ZMPSTE24: variants seen among roughly 807,000 people sequenced by gnomAD.
ZMPSTE24 encodes the protein zinc metallopeptidase STE24.
Under a neutral mutation model 56.7 loss-of-function variants are expected in ZMPSTE24, and 48 were observed. That is an observed-to-expected ratio of 0.85 (90% CI 0.67 to 1.08). The LOEUF (loss-of-function observed/expected upper bound fraction) is 1.08, where lower values mean the gene tolerates loss of function less well. Ranked by LOEUF, ZMPSTE24 falls within the 50% of genes least tolerant of loss-of-function variation. The pLI is 0.00. For synonymous variants in ZMPSTE24, 172 were observed against 195.2 expected (o/e 0.88, Z 0.99); for missense variants, 503 against 548.7 (o/e 0.92, Z 0.83).
intron 2 of ZMPSTE24, among the ~76,000 whole-genome samples, chr1:40,263,340 A>G (rs1557773207): frequency 6.6e-6 from 1 of 152,230 alleles, no homozygotes; most frequent in Non-Finnish European, 1.5e-5. Flanking sequence ...TTTGATGTTT[A>G]CAACAGTGAA....
At position 40,293,365 on chromosome 1, in the gene ZMPSTE24, A is replaced by G. The variant is rs1057515522; in HGVS notation, c.*696A>G. ...TTTGTTTGTTTCTTTTGTTTTTTGGAAAATCCGTGTCTTTATCTTTTTTTC... is the reference window on the plus strand; with the variant it reads ...TTTGTTTGTTTCTTTTGTTTTTTGGGAAATCCGTGTCTTTATCTTTTTTTC... On this transcript the variant is annotated 3_prime_UTR_variant, in exon 10 of 10. Transcript: ENST00000372759. 1 of 151,994 alleles carries G rather than the reference A, an allele frequency of 6.6e-6. No homozygotes were observed. Among genetic ancestry groups the G allele is most frequent in the Non-Finnish European group, 1.5e-5 (1 of 68,018 alleles). The allele number at this position is 151,994 out of a possible 1,614,324, so 9.4% of individuals were successfully genotyped here. A position where few individuals can be genotyped will look rare whatever the true frequency, so the allele number is the denominator to read the frequency against.
At chr1:40,288,984 C>T (rs1187587402) in intron 8 of ZMPSTE24, among the ~76,000 whole-genome samples, 3 of 152,066 alleles carry the variant, frequency 2.0e-5, no homozygotes, top group African/African-American at 7.2e-5. Flanking sequence ...AAGACCATCC[C>T]TGAGTGGCTC....
chr1:40,269,647 G>A (rs1643593221), intron 4 of ZMPSTE24, among the ~76,000 whole-genome samples: 1 of 151,954 alleles, frequency 6.6e-6, no homozygotes, highest in South Asian at 2.1e-4. Context: ...ATTATTTTTA[G>A]TAGTGACAGG....
At chr1:40,288,252 T>A (rs997073233) in intron 8 of ZMPSTE24, among the ~76,000 whole-genome samples, 1 of 152,222 alleles carries the variant, frequency 6.6e-6, no homozygotes, top group African/African-American at 2.4e-5. Context: ...CTGTGGGCAC[T>A]TTCCTATATC....
rs754413319 is a variant in ZMPSTE24 at position 40,267,889 on chromosome 1, C to T, written c.357+17C>T. ...GAATATGAGGTATGTGATTCATTAG[C>T]ATGTATTTGTCATGGTATTTCTTTT... On this transcript the variant is annotated intron_variant, in intron 3 of 9. Coordinates refer to ENST00000372759, the MANE Select transcript of ZMPSTE24 (RefSeq NM_005857.5). The T allele has an allele frequency of 6.3e-7, 1 of 1,599,668 alleles. No homozygotes were observed. The highest frequency in any genetic ancestry group is 1.1e-5 in the South Asian group (1 of 90,784).
At chr1:40,270,340 A>G (rs2124582336) in intron 5 of ZMPSTE24, among the ~76,000 whole-genome samples, 2 of 152,320 alleles carry the variant, frequency 1.3e-5, no homozygotes, top group South Asian at 4.1e-4. Flanking sequence ...TTCAGGTCAT[A>G]GAAACTAGTT....
chr1:40,292,722 C>T lies in ZMPSTE24; in HGVS notation c.*53C>T. On this transcript the variant is annotated 3_prime_UTR_variant, in exon 10 of 10. Transcript: ENST00000372759. ...TTTCTGATTATTTCTGTCCTGGCAG[C>T]ATGTTCCAGCTCTTGATGTTTTTAA... 1 of 1,546,498 alleles carries T rather than the reference C, an allele frequency of 6.5e-7. No homozygotes were observed. Among genetic ancestry groups the T allele is most frequent in the Non-Finnish European group, 8.9e-7 (1 of 1,120,496 alleles).
chr1:40,273,537 A>AAAAAATAT (rs1224234676), intron 6 of ZMPSTE24, among the ~76,000 whole-genome samples: 13 of 12,388 alleles, frequency 1.0e-3, no homozygotes, highest in Admixed American at 2.6e-3. Flanking sequence ...AAAAAAAAAA[A>AAAAAATAT]ATATATATAT....
In ZMPSTE24 at chr1:40,281,491, A is replaced by C. The variant is rs761390798; in HGVS notation, c.918A>C (p.Glu306Asp). The C allele has an allele frequency of 6.2e-7, 1 of 1,614,136 alleles. No homozygotes were observed. The highest frequency in any genetic ancestry group is 8.5e-7 in the Non-Finnish European group (1 of 1,179,992). ...EDSGMEPRNE[E>D]EGNSEEIKAK... ...CTGGCATGGAACCCCGCAATGAGGA[A>C]GAAGGGAACAGTGAAGAAATAAAAG... The change falls in exon 7 of 10, where the codon GAA (glutamate) becomes GAC (aspartate). Residue 306 changes from glutamate (E) to aspartate (D), a missense_variant. Transcript: ENST00000372759.
intron 8 of ZMPSTE24, among the ~76,000 whole-genome samples, chr1:40,288,373 A>C (rs1643807503): frequency 6.6e-6 from 1 of 152,204 alleles, no homozygotes; most frequent in Admixed American, 6.5e-5. Flanking sequence ...TCAGTCTAAT[A>C]AGGAAAATCA....
chr1:40,262,004 C>A (rs1337661598), intron 2 of ZMPSTE24, among the ~76,000 whole-genome samples: 1 of 152,168 alleles, frequency 6.6e-6, no homozygotes, highest in East Asian at 1.9e-4. Flanking sequence ...CCACTGTGCC[C>A]TGCCACTTTT....
At chr1:40,269,479 C>T (rs770687352) in intron 4 of ZMPSTE24, among the ~76,000 whole-genome samples, 8 of 152,022 alleles carry the variant, frequency 5.3e-5, no homozygotes, top group Non-Finnish European at 8.8e-5. Context: ...TGTTTGTTTG[C>T]GACAGGGTCT....
intron 8 of ZMPSTE24, among the ~76,000 whole-genome samples, chr1:40,289,966 C>G (rs1643824115): frequency 6.6e-6 from 1 of 152,154 alleles, no homozygotes; most frequent in African/African-American, 2.4e-5. Context: ...AGAAAATATC[C>G]CATTGCTATT....
chr1:40,274,427 A>C (rs1486547326), intron 6 of ZMPSTE24, among the ~76,000 whole-genome samples: 1 of 152,234 alleles, frequency 6.6e-6, no homozygotes, highest in African/African-American at 2.4e-5. Context: ...CTATGCAGCA[A>C]ATTAAACTAG....
At chr1:40,273,538 ATAT>A (rs1227445855) in intron 6 of ZMPSTE24, among the ~76,000 whole-genome samples, 242 of 17,284 alleles carry the variant, frequency 0.014, 7 homozygotes, top group African/African-American at 0.036. Context: ...AAAAAAAAAA[ATAT>A]ATATATATAT....
At chr1:40,276,733 C>G (rs551012848) in intron 6 of ZMPSTE24, among the ~76,000 whole-genome samples, 1 of 152,200 alleles carries the variant, frequency 6.6e-6, no homozygotes, top group African/African-American at 2.4e-5. Flanking sequence ...CACCATTATA[C>G]TCATACAAAC....
In ZMPSTE24 at chr1:40,285,913, T is replaced by A; in HGVS notation, c.955-12T>A. The A allele has an allele frequency of 6.2e-6, 10 of 1,605,486 alleles. No homozygotes were observed. Among genetic ancestry groups the A allele is most frequent in the Non-Finnish European group, 6.0e-6 (7 of 1,174,038 alleles). ...GTTCTCAATAATTTATTTTTGATTT[T>A]TTTTTATTCAGAATAAGAAACAAGG... On this transcript the variant is annotated splice_polypyrimidine_tract_variant and intron_variant, in intron 7 of 9. Transcript: ENST00000372759.
chr1:40,291,993 A>G (rs1401638896), intron 9 of ZMPSTE24, among the ~76,000 whole-genome samples: 1 of 151,986 alleles, frequency 6.6e-6, no homozygotes, highest in Admixed American at 6.6e-5. Flanking sequence ...GGCACCCATC[A>G]CCACGCCCAG....
At chr1:40,258,672 T>C (rs1445552028) in intron 1 of ZMPSTE24, among the ~76,000 whole-genome samples, 1 of 152,098 alleles carries the variant, frequency 6.6e-6, no homozygotes, top group Non-Finnish European at 1.5e-5. Context: ...TTCCTTGGGA[T>C]CCTTGGGCCC....
Sources: allele counts gnomAD v4.1 joint callset (sites outside exome capture counted in the v4.1 genomes callset), GRCh38; gene constraint gnomAD v4.1.1; transcripts MANE v1.5; gene names NCBI Gene and HGNC (gene_info 2026-07-23, HGNC 2026-07-21).